The following KIAA0825 variants were observed in gnomAD, a reference collection of about 807,000 sequenced individuals.
The protein encoded by KIAA0825 is KIAA0825, also known as uncharacterized protein KIAA0825.
Under a neutral mutation model 147.6 loss-of-function variants are expected in KIAA0825, and 119 were observed. The ratio of observed to expected loss-of-function variants is 0.81; its 90% confidence interval spans 0.69 to 0.94. The LOEUF (loss-of-function observed/expected upper bound fraction) is 0.94. Among genes scored for constraint, KIAA0825 ranks in the 40% least tolerant of loss-of-function variants. The pLI is 0.00. For missense variants in KIAA0825, 1,381 were observed against 1,472.7 expected, an observed-to-expected ratio of 0.94 and a Z score of 1.02; for synonymous variants, 470 against 518.1, an observed-to-expected ratio of 0.91 and a Z score of 1.26.
At chr5:94,297,007 G>A (rs888384606) in intron 20 of KIAA0825, among the ~76,000 whole-genome samples, 5 of 152,014 alleles carry the variant, frequency 3.3e-5, no homozygotes, top group African/African-American at 1.2e-4. Flanking sequence ...CTGCTATTGT[G>A]GTTTTAGTTG....
At chr5:94,586,758 A>G (rs1447469754) in intron 1 of KIAA0825, among the ~76,000 whole-genome samples, 2 of 152,250 alleles carry the variant, frequency 1.3e-5, no homozygotes, top group East Asian at 3.8e-4. Flanking sequence ...ATTTTAGACC[A>G]ATATCCCTGA....
intron 14 of KIAA0825, among the ~76,000 whole-genome samples, chr5:94,422,300 A>T (rs78397958): frequency 2.1e-4 from 32 of 152,308 alleles, no homozygotes; most frequent in African/African-American, 7.2e-4. Flanking sequence ...CTCTGAAAAC[A>T]CAGGGACACA....
At chr5:94,430,154 C>T (rs1422941852) in intron 14 of KIAA0825, among the ~76,000 whole-genome samples, 2 of 152,088 alleles carry the variant, frequency 1.3e-5, no homozygotes, top group Non-Finnish European at 2.9e-5. Context: ...GAGAGGGTCC[C>T]CTTGCACCAG....
At chr5:94,388,263 A>G (rs913918325) in intron 18 of KIAA0825, among the ~76,000 whole-genome samples, 2 of 152,164 alleles carry the variant, frequency 1.3e-5, no homozygotes, top group Admixed American at 6.5e-5. Context: ...GTGGTAATGC[A>G]CACTATCCCG....
chr5:94,509,475 G>C (rs1382422155), intron 5 of KIAA0825, among the ~76,000 whole-genome samples: 1 of 152,078 alleles, frequency 6.6e-6, no homozygotes, highest in Non-Finnish European at 1.5e-5. Context: ...AAAGGACTTA[G>C]AATTTATATT....
At chr5:94,327,867 G>A (rs760198786) in intron 20 of KIAA0825, among the ~76,000 whole-genome samples, 2 of 151,998 alleles carry the variant, frequency 1.3e-5, no homozygotes, top group African/African-American at 2.4e-5. Flanking sequence ...TTAGCTGGGC[G>A]TGGTGGTGCG....
intron 1 of KIAA0825, among the ~76,000 whole-genome samples, chr5:94,610,305 A>T (rs1788451781): frequency 2.0e-5 from 3 of 151,782 alleles, no homozygotes; most frequent in Admixed American, 6.6e-5. Flanking sequence ...CTGTAATCCC[A>T]GCTACTCAGG....
At chr5:94,608,095 C>T (rs1011857358) in intron 1 of KIAA0825, among the ~76,000 whole-genome samples, 3 of 151,910 alleles carry the variant, frequency 2.0e-5, no homozygotes, top group African/African-American at 7.3e-5. Context: ...TGTAACATAA[C>T]ATAGTCTCAG....
chr5:94,187,716 C>T (rs1770273196), intron 20 of KIAA0825, among the ~76,000 whole-genome samples: 1 of 152,072 alleles, frequency 6.6e-6, no homozygotes, highest in African/African-American at 2.4e-5. Flanking sequence ...TGAGCCACCG[C>T]GCCAGACCGG....
chr5:94,527,733 C>T (rs188629497), intron 3 of KIAA0825, among the ~76,000 whole-genome samples: 11 of 151,928 alleles, frequency 7.2e-5, no homozygotes, highest in African/African-American at 9.6e-5. Flanking sequence ...TGTTCATTTC[C>T]GTGCTTTTTG....
chr5:94,182,782 C>G (rs978807175), intron 20 of KIAA0825, among the ~76,000 whole-genome samples: 2 of 151,946 alleles, frequency 1.3e-5, no homozygotes, highest in African/African-American at 4.8e-5. Flanking sequence ...CTGTGTTGTC[C>G]CCTCTCTTTT....
intron 5 of KIAA0825, among the ~76,000 whole-genome samples, chr5:94,505,955 G>GA (rs1765686977): frequency 6.6e-6 from 1 of 152,162 alleles, no homozygotes; most frequent in Non-Finnish European, 1.5e-5. Flanking sequence ...CCTTGGGTTT[G>GA]AAAAATACGT....
chr5:94,358,770 T>A (rs1313643390), intron 20 of KIAA0825, among the ~76,000 whole-genome samples: 1 of 152,232 alleles, frequency 6.6e-6, no homozygotes, highest in African/African-American at 2.4e-5. Flanking sequence ...GGTACTTGCA[T>A]AATATTCTGG....
chr5:94,499,095 T>C (rs1021048804), intron 5 of KIAA0825, among the ~76,000 whole-genome samples: 13 of 152,102 alleles, frequency 8.5e-5, no homozygotes, highest in Admixed American at 7.9e-4. Flanking sequence ...TTAGAAAAAA[T>C]TGCTCGTGGC....
At chr5:94,529,576 G>A (rs1054240416) in intron 3 of KIAA0825, among the ~76,000 whole-genome samples, 1 of 151,644 alleles carries the variant, frequency 6.6e-6, no homozygotes, top group Non-Finnish European at 1.5e-5. Flanking sequence ...TTTATGTAGA[G>A]AATATTTCTA....
intron 17 of KIAA0825, among the ~76,000 whole-genome samples, chr5:94,395,431 C>T (rs1212724424): frequency 1.3e-5 from 2 of 152,120 alleles, no homozygotes; most frequent in Non-Finnish European, 2.9e-5. Flanking sequence ...CAATACCATG[C>T]AATTCTATAC....
At chr5:94,368,686 T>G (rs751437639) in intron 20 of KIAA0825, among the ~76,000 whole-genome samples, 3 of 152,232 alleles carry the variant, frequency 2.0e-5, no homozygotes, top group Admixed American at 6.5e-5. Flanking sequence ...CGGAGGCATG[T>G]ATTCTCTAAC....
In KIAA0825 at chr5:94,484,832, T is replaced by C. The variant is rs753068254; in HGVS notation, c.1069A>G (p.Lys357Glu). ...QLIKSFMKLE[K>E]GVQELFDEIL... Reference sequence around the variant, plus strand: ...TCGTCAAACAATTCTTGAACACCTTTTTCCAGTTTCATAAAGGATTTTATG... The same window carrying C: ...TCGTCAAACAATTCTTGAACACCTTCTTCCAGTTTCATAAAGGATTTTATG... The change falls in exon 6 of 21, where the codon AAA becomes GAA. Residue 357 changes from lysine to glutamate, a missense_variant. Coordinates refer to ENST00000682413, the MANE Select transcript of KIAA0825 (RefSeq NM_001145678.3). 31 of 1,534,042 alleles carry C rather than the reference T, an allele frequency of 2.0e-5. No homozygotes were observed. The highest frequency in any genetic ancestry group is 2.6e-5 in the Non-Finnish European group (30 of 1,134,878).
At chr5:94,544,835 G>A (rs148884775) in intron 2 of KIAA0825, among the ~76,000 whole-genome samples, 106 of 152,216 alleles carry the variant, frequency 7.0e-4, no homozygotes, top group Middle Eastern at 3.4e-3. Context: ...AGGGTTCTCC[G>A]TGCAGGAAAA....
Sources: gnomAD v4.1 joint callset for allele counts (sites outside exome capture counted in the v4.1 genomes callset) on GRCh38, gnomAD v4.1.1 for gene constraint, MANE v1.5 for transcripts, NCBI Gene and HGNC (gene_info 2026-07-23, HGNC 2026-07-21) for gene names.